The following FRMPD4 variants were observed in gnomAD, a reference collection of about 807,000 sequenced individuals.
FRMPD4 encodes FERM and PDZ domain containing 4.
A neutral mutation model predicts 94.1 loss-of-function variants in FRMPD4; 22 were observed. The observed-to-expected ratio is 0.23, with a 90% confidence interval of 0.17 to 0.33. The LOEUF is 0.33. FRMPD4 is among the 10% of genes least tolerant of loss of function. The pLI is 1.00. For synonymous variants in FRMPD4, 631 were observed against 548.6 expected, an observed-to-expected ratio of 1.15 and a Z score of -2.10; for missense variants, 1,111 against 1,339.9, an observed-to-expected ratio of 0.83 and a Z score of 2.67.
intron 1 of FRMPD4, among the ~76,000 whole-genome samples, chrX:12,220,796 T>C (rs1601709984): frequency 8.9e-6 from 1 of 112,550 alleles, no homozygotes; most frequent in African/African-American, 3.2e-5. Context: ...ATTTGCATAC[T>C]TTCTAACTTA....
At chrX:12,311,828 T>C (rs1383717086) in intron 1 of FRMPD4, among the ~76,000 whole-genome samples, 2 of 111,879 alleles carry the variant, frequency 1.8e-5, no homozygotes, top group African/African-American at 6.5e-5. Context: ...TTTAAAAATA[T>C]ATACATTTCT....
Position 12,007,162 on chromosome X carries a change from C to T in FRMPD4, c.95+129144C>T, listed in dbSNP as rs751637178. On this transcript the variant is annotated intron_variant, in intron 3 of 18. Transcript: ENST00000640291. Reference sequence around the variant, plus strand: ...TCACTGGAAACACCCATTCTTGGAACCCAATCTCCATGCTGTGAGGGAGCC... The same window carrying T: ...TCACTGGAAACACCCATTCTTGGAATCCAATCTCCATGCTGTGAGGGAGCC... Among the ~76,000 whole-genome samples the T allele has an allele frequency of 2.6e-4, 29 of 111,458 alleles. No individual in the cohort carries two copies. The South Asian group carries it at 3.1e-3, about 12-fold the overall frequency.
At position 12,274,015 on chromosome X, in the gene FRMPD4, T is replaced by A. The variant is rs7877279; in HGVS notation, c.41+135003T>A. Among the ~76,000 whole-genome samples, 597 of 111,640 alleles carry A rather than the reference T, an allele frequency of 5.3e-3. 6 individuals are homozygous for A. The highest frequency in any genetic ancestry group is 0.018 in the African/African-American group (566 of 30,595). Reference sequence around the variant, plus strand: ...TTCACTCATGTAGTCATTCACAGATTCATTCATTCAATACATTTCATGGGT... The same window carrying A: ...TTCACTCATGTAGTCATTCACAGATACATTCATTCAATACATTTCATGGGT... On this transcript the variant is annotated intron_variant, in intron 1 of 16. Transcript: ENST00000675598.
intron 1 of FRMPD4, among the ~76,000 whole-genome samples, chrX:12,162,884 T>C (rs978668733): frequency 9.0e-6 from 1 of 111,714 alleles, no homozygotes; most frequent in Non-Finnish European, 1.9e-5. Context: ...TGATTTCAAA[T>C]GTTATGGGCC....
At chrX:12,004,692 T>C (rs1329420557) in intron 3 of FRMPD4, among the ~76,000 whole-genome samples, 2 of 89,318 alleles carry the variant, frequency 2.2e-5, no homozygotes, top group East Asian at 4.7e-4. Flanking sequence ...TCTGCTGACC[T>C]TTTTTTTTTT....
At chrX:12,040,719 C>T (rs889727394) in intron 3 of FRMPD4, among the ~76,000 whole-genome samples, 4 of 107,700 alleles carry the variant, frequency 3.7e-5, no homozygotes, top group Admixed American at 2.0e-4. Context: ...TTAGTAGAGA[C>T]GGGGTTTCAC....
chrX:12,676,108 A>G (rs998932806), intron 5 of FRMPD4, among the ~76,000 whole-genome samples: 1 of 112,103 alleles, frequency 8.9e-6, no homozygotes, highest in African/African-American at 3.2e-5. Flanking sequence ...ATACACATAC[A>G]TTGGGATTTG....
chrX:12,321,300 A>G (rs4528055), intron 1 of FRMPD4, among the ~76,000 whole-genome samples: 1,500 of 112,352 alleles, frequency 0.013, 24 homozygotes, highest in African/African-American at 0.046. Context: ...TTTATAAATT[A>G]TAAACCTAGT....
intron 2 of FRMPD4, among the ~76,000 whole-genome samples, chrX:12,533,829 TA>T (rs1569319881): frequency 8.9e-6 from 1 of 112,288 alleles, no homozygotes; most frequent in African/African-American, 3.2e-5. Context: ...AAGCAGAGCA[TA>T]AAAGTTCAAA....
chrX:12,118,392 T>C (rs1202747911), intron 3 of FRMPD4, among the ~76,000 whole-genome samples: 2 of 112,440 alleles, frequency 1.8e-5, no homozygotes, highest in African/African-American at 3.2e-5. Context: ...TTATACCAAA[T>C]TGCTAAATAC....
intron 1 of FRMPD4, among the ~76,000 whole-genome samples, chrX:12,435,282 T>C (rs1333869598): frequency 8.9e-6 from 1 of 112,001 alleles, no homozygotes; most frequent in East Asian, 2.8e-4. Flanking sequence ...ATATTATTTC[T>C]TCCTTTACAA....
At chrX:11,947,806 G>C (rs1187437892) in intron 3 of FRMPD4, among the ~76,000 whole-genome samples, 1 of 111,033 alleles carries the variant, frequency 9.0e-6, no homozygotes, top group Non-Finnish European at 1.9e-5. Flanking sequence ...GCAATCCTCG[G>C]CCAGGTGCAG....
At chrX:12,647,008 T>C (rs2059553984) in intron 4 of FRMPD4, among the ~76,000 whole-genome samples, 1 of 111,952 alleles carries the variant, frequency 8.9e-6, no homozygotes, top group South Asian at 3.8e-4. Context: ...AGGATAACGT[T>C]ATACATAGGC....
intron 3 of FRMPD4, among the ~76,000 whole-genome samples, chrX:12,612,825 A>G (rs1377909387): frequency 8.9e-6 from 1 of 112,235 alleles, no homozygotes; most frequent in Non-Finnish European, 1.9e-5. Flanking sequence ...AAGTTTCCCA[A>G]GTGGTTTTTC....
rs2042220487 is a variant in FRMPD4, at chrX:12,720,615, T to C, written c.4046T>C (p.Leu1349Pro). ...CATCCTGAAGCTGATCCCATCCTGC[T>C]ACCATCAAACATTCACTCGGAATCA... ...SQHPEADPIL[L>P]PSNIHSESKV... Residue 1349 changes from leucine (L) to proline (P), a missense_variant, in exon 17 of 17, where the codon CTA becomes CCA. Physicochemically the swap from Leu to Pro is moderately conservative, Grantham distance 98 (BLOSUM62 -3). This residue lies in a region of FRMPD4 where 551 missense variants were observed against 591.6 expected (regional missense o/e 0.93). Coordinates refer to ENST00000675598, the MANE Select transcript of FRMPD4 (RefSeq NM_001368397.1). 2 of 1,194,085 alleles carry C rather than the reference T, an allele frequency of 1.7e-6. No individual in the cohort carries two copies. Among genetic ancestry groups the C allele is most frequent in the African/African-American group, 1.8e-5 (1 of 56,999 alleles).
In FRMPD4 at chrX:12,583,495, A is replaced by G. The variant is rs923595522; in HGVS notation, c.159-26226A>G. ...GTCTTCGGGAACTTTCACCCACGGCAGAATATTTCTACGTGCCGGGAGCGT... is the reference window on the plus strand; with the variant it reads ...GTCTTCGGGAACTTTCACCCACGGCGGAATATTTCTACGTGCCGGGAGCGT... On this transcript the variant is annotated intron_variant, in intron 2 of 16. Transcript: ENST00000675598. The G allele has an allele frequency of 2.5e-5, 29 of 1,173,301 alleles. No individual in the cohort carries two copies. The African/African-American group carries it at 5.1e-4, about 21-fold the overall frequency.
chrX:12,628,634 T>C (rs1484045948), intron 4 of FRMPD4, among the ~76,000 whole-genome samples: 12 of 112,729 alleles, frequency 1.1e-4, no homozygotes, highest in Non-Finnish European at 1.9e-5. Context: ...GGGTTCCCAG[T>C]TGGTTCTTCC....
chrX:11,945,835 G>A (rs1195092931), intron 3 of FRMPD4, among the ~76,000 whole-genome samples: 3 of 111,566 alleles, frequency 2.7e-5, no homozygotes, highest in African/African-American at 9.8e-5. Flanking sequence ...CAACACTGGG[G>A]ATCACACTTC....
chrX:12,616,853 G>A (rs1459380700), intron 4 of FRMPD4, among the ~76,000 whole-genome samples: 1 of 111,754 alleles, frequency 8.9e-6, no homozygotes, highest in African/African-American at 3.3e-5. Flanking sequence ...TCCCCTAGGT[G>A]CGCACCTCTG....
Sources: allele counts gnomAD v4.1 joint callset (sites outside exome capture counted in the v4.1 genomes callset), GRCh38; gene constraint gnomAD v4.1.1; regional missense constraint gnomAD v4.1.1; transcripts MANE v1.5; gene names NCBI Gene and HGNC (gene_info 2026-07-23, HGNC 2026-07-21).